Variants in PCDHGA5 observed in about 807,000 individuals in gnomAD.
PCDHGA5 encodes protocadherin gamma-A5.
In PCDHGA5, 36 loss-of-function variants were observed where a neutral mutation model predicts 56.7. The ratio of observed to expected loss-of-function variants is 0.64; its 90% CI spans 0.49 to 0.84. The LOEUF (loss-of-function observed/expected upper bound fraction) is 0.84, where lower values mean the gene tolerates loss of function less well. Among genes scored for constraint, PCDHGA5 ranks in the 40% least tolerant of loss-of-function variants. The probability of loss-of-function intolerance (pLI) is 0.00; values close to 1 mark genes in which losing one functional copy is unlikely to be tolerated. For missense variants in PCDHGA5, 1,305 were observed against 1,201.5 expected, an observed-to-expected ratio of 1.09 and a Z score of -1.27; for synonymous variants, 563 against 520.2, an observed-to-expected ratio of 1.08 and a Z score of -1.12.
rs1362252002 is a variant in PCDHGA5, at chr5:141,486,112, G to C, written c.2422-8695G>C. ...TGGGGCCCCTAGACTTTGAGAGTGA[G>C]AATTACTATGAATTTGATGTGCGGG... On this transcript the variant is annotated intron_variant, in intron 1 of 3. Coordinates refer to ENST00000518069, the MANE Select transcript of PCDHGA5 (RefSeq NM_018918.3). The surrounding 1 kb of genome is among the most constrained non-coding windows in gnomAD (Gnocchi z 5.0). 6 of 1,614,166 alleles carry C rather than the reference G, an allele frequency of 3.7e-6. No individual in the cohort carries two copies. The highest frequency in any genetic ancestry group is 1.7e-6 in the Non-Finnish European group (2 of 1,180,024).
At chr5:141,433,031 T>G (rs2097561851) in intron 1 of PCDHGA5, 2 of 1,614,088 alleles carry the variant, frequency 1.2e-6, no homozygotes, top group Non-Finnish European at 8.5e-7. Flanking sequence ...CCACGAGGTT[T>G]CCCTCACCAC....
intron 1 of PCDHGA5, chr5:141,384,717 C>A (rs575459465): frequency 6.8e-6 from 11 of 1,614,166 alleles, no homozygotes; most frequent in Non-Finnish European, 9.3e-6. Context: ...GGCTGTCATA[C>A]CTCCTGCTTA....
In PCDHGA5 at chr5:141,512,022, C is replaced by T. The variant is rs2154594692; in HGVS notation, c.*849C>T. The T allele has an allele frequency of 6.5e-6, 1 of 152,990 alleles. No individual in the cohort carries two copies. The highest frequency in any genetic ancestry group is 1.9e-4 in the East Asian group (1 of 5,186). The allele number at this position is 152,990 out of a possible 1,614,324, so 9.5% of individuals were successfully genotyped here. A position where few individuals can be genotyped will look rare whatever the true frequency, so the allele number is the denominator to read the frequency against. The stretch of plus-strand genomic sequence containing the variant: ...AGCTTGACACATCAAGTTATCAAGG[C>T]CTTGGAGGAGGCTCTGTATGTCCTC... On this transcript the variant is annotated 3_prime_UTR_variant, in exon 4 of 4. Transcript: ENST00000518069.
In PCDHGA5 at chr5:141,365,681, A is replaced by C; in HGVS notation, c.1351A>C (p.Asn451His). Reference sequence around the variant, plus strand: ...AGCAGACGTTAATGACAACCCACCCAATTTCCCTCAAGCCTCCTACTCCAC... The same window carrying C: ...AGCAGACGTTAATGACAACCCACCCCATTTCCCTCAAGCCTCCTACTCCAC... ...KVADVNDNPP[N>H]FPQASYSTSV... The change falls in exon 1 of 4, where the codon AAT becomes CAT. Residue 451 changes from asparagine (N) to histidine (H), a missense_variant. By Grantham distance (68) the Asn-to-His change is moderately conservative. Transcript: ENST00000518069. The C allele has an allele frequency of 1.2e-6, 2 of 1,613,224 alleles. No individual in the cohort carries two copies. The highest frequency in any genetic ancestry group is 8.5e-7 in the Non-Finnish European group (1 of 1,179,738).
At chr5:141,443,169 T>C (rs946262743) in intron 1 of PCDHGA5, among the ~76,000 whole-genome samples, 2 of 152,170 alleles carry the variant, frequency 1.3e-5, no homozygotes, top group Non-Finnish European at 2.9e-5. Flanking sequence ...TCCCTACCCA[T>C]GTCCACTGCA....
intron 1 of PCDHGA5, chr5:141,420,535 T>C (rs1322301404): frequency 6.2e-6 from 2 of 321,930 alleles, no homozygotes; most frequent in African/African-American, 4.3e-5. Flanking sequence ...CGGTTAAAAA[T>C]ATAAAATACA....
At chr5:141,371,123 TC>T in intron 1 of PCDHGA5, 1 of 1,613,954 alleles carries the variant, frequency 6.2e-7, no homozygotes, top group Non-Finnish European at 8.5e-7. Flanking sequence ...CAGTATTTAC[TC>T]AGGACATGTA....
In PCDHGA5 at chr5:141,431,339, TTGG is replaced by T. The variant is rs750589924; in HGVS notation, c.2422-63465_2422-63463del. ...AGCCGACGGTAGTAAGTACCCCGAA[TTGG>T]TGCTGAAACGCGCCCTGGACCGCGA... is the stretch of plus-strand genomic sequence containing the variant. On this transcript the variant is annotated intron_variant, in intron 1 of 3. Coordinates refer to ENST00000518069, the MANE Select transcript of PCDHGA5 (RefSeq NM_018918.3). The surrounding 1 kb of genome is among the most constrained non-coding windows in gnomAD (Gnocchi z 4.8). 4 of 1,614,060 alleles carry T rather than the reference TTGG, an allele frequency of 2.5e-6. No individual in the cohort carries two copies. The Admixed American group carries it at 6.7e-5, about 27-fold the overall frequency.
intron 1 of PCDHGA5, chr5:141,423,473 C>A: frequency 6.2e-7 from 1 of 1,614,010 alleles, no homozygotes; most frequent in Non-Finnish European, 8.5e-7. Flanking sequence ...GGGGTACAGG[C>A]TTTCCTGCAA....
chr5:141,389,323 G>A (rs1230521211), intron 1 of PCDHGA5: 1 of 1,613,862 alleles, frequency 6.2e-7, no homozygotes. Context: ...CCGGACTTGG[G>A]GCCCAACGGC....
rs775918752 is a variant in PCDHGA5 at position 141,375,143 on chromosome 5, A to G, written c.2421+8392A>G. On this transcript the variant is annotated intron_variant, in intron 1 of 3. Transcript: ENST00000518069. Reference sequence around the variant, plus strand: ...AGAAGTGGTTGTTACATCTGGAAGCAGAACAATTGCTGAAAGTGCACCTCC... The same window carrying G: ...AGAAGTGGTTGTTACATCTGGAAGCGGAACAATTGCTGAAAGTGCACCTCC... 20 of 1,613,992 alleles carry G rather than the reference A, an allele frequency of 1.2e-5. No homozygotes were observed. The Admixed American group carries it at 2.8e-4, about 23-fold the overall frequency.
chr5:141,378,077 T>A (rs955421264), intron 1 of PCDHGA5: 1 of 152,136 alleles, frequency 6.6e-6, no homozygotes, highest in Non-Finnish European at 1.5e-5. Flanking sequence ...AGAAAATAAT[T>A]TTATAACTTT....
chr5:141,386,113 A>G (rs187458187), intron 1 of PCDHGA5: 12 of 152,338 alleles, frequency 7.9e-5, no homozygotes, highest in Admixed American at 2.0e-4. Context: ...TGGGCTATCA[A>G]AGTGGGAGAT....
At chr5:141,467,495 C>T (rs1161557245) in intron 1 of PCDHGA5, among the ~76,000 whole-genome samples, 1 of 152,140 alleles carries the variant, frequency 6.6e-6, no homozygotes, top group Non-Finnish European at 1.5e-5. Context: ...ATTTAGATCC[C>T]TGATCTAATT....
chr5:141,480,021 C>G (rs1415230863), intron 1 of PCDHGA5, among the ~76,000 whole-genome samples: 1 of 152,208 alleles, frequency 6.6e-6, no homozygotes, highest in Non-Finnish European at 1.5e-5. Context: ...AATCTCCTTT[C>G]TAAGCCTCTT....
rs1421124374 is a variant in PCDHGA5, at chr5:141,431,186, A to G, written c.2422-63621A>G. The G allele has an allele frequency of 1.9e-6, 3 of 1,614,110 alleles. No individual in the cohort carries two copies. ...TGAAAGTGAATTAGAAATAAAAATT[A>G]GTGAAAATGCAGCCACTGAGATGCG... On this transcript the variant is annotated intron_variant, in intron 1 of 3. Transcript: ENST00000518069. This position sits in a 1 kb window ranked among gnomAD's most constrained non-coding sequence, Gnocchi z 4.8.
chr5:141,375,210 C>T, intron 1 of PCDHGA5: 1 of 1,614,008 alleles, frequency 6.2e-7, no homozygotes. Context: ...GATCGAGACT[C>T]TGGCCTGAAT....
At position 141,364,754 on chromosome 5, in the gene PCDHGA5, G is replaced by A. The variant is rs940260607; in HGVS notation, c.424G>A (p.Val142Ile). The stretch of plus-strand genomic sequence containing the variant: ...CCGGGATGAAGAGTTAAAAGTAAAA[G>A]TTAATGAAAATGCGGCTGCAGGGAC... ...RFRDEELKVK[V>I]NENAAAGTRL... The change falls in exon 1 of 4, where the codon GTT becomes ATT. Residue 142 changes from valine to isoleucine, a missense_variant. By Grantham distance (29) the Val-to-Ile change is conservative (BLOSUM62 3). Transcript: ENST00000518069. 3.1e-6 allele frequency: 5 copies of A among 1,613,870 alleles called. No homozygotes were observed. Among genetic ancestry groups the A allele is most frequent in the Non-Finnish European group, 4.2e-6 (5 of 1,179,908 alleles).
At chr5:141,390,409 A>C in intron 1 of PCDHGA5, 2 of 1,247,634 alleles carry the variant, frequency 1.6e-6, no homozygotes, top group East Asian at 2.4e-5. Context: ...GGAAAGTTGT[A>C]GTCAGTTAAA....
Sources: allele counts gnomAD v4.1 joint callset (sites outside exome capture counted in the v4.1 genomes callset), GRCh38; gene constraint gnomAD v4.1.1; non-coding constraint Gnocchi (gnomAD v3.1); transcripts MANE v1.5; gene names NCBI Gene and HGNC (gene_info 2026-07-23, HGNC 2026-07-21).